The following ZFHX4 variants were observed in gnomAD, a reference collection of about 807,000 sequenced individuals.
The protein encoded by ZFHX4 is zinc finger homeobox protein 4.
A neutral mutation model predicts 267.6 loss-of-function variants in ZFHX4; 56 were observed. That is an observed-to-expected ratio of 0.21 (90% confidence interval 0.17 to 0.26). ZFHX4 has a LOEUF of 0.26. Ranked by LOEUF, ZFHX4 falls within the 10% of genes least tolerant of loss-of-function variation. ZFHX4 has a pLI of 1.00. For missense variants in ZFHX4, 4,332 were observed against 4,420.0 expected, an observed-to-expected ratio of 0.98 and a Z score of 0.56; for synonymous variants, 1,778 against 1,665.6, an observed-to-expected ratio of 1.07 and a Z score of -1.64.
chr8:76,704,281 A>G lies in ZFHX4; in HGVS notation c.193A>G (p.Ser65Gly). Reference sequence around the variant, plus strand: ...CAAAAGTGAAGCCTTGCTGGGTTTCAGCGTTGAGAATGCAGCTGCCACTCA... The same window carrying G: ...CAAAAGTGAAGCCTTGCTGGGTTTCGGCGTTGAGAATGCAGCTGCCACTCA... ...ERKSEALLGF[S>G]VENAAATQVT... Residue 65 changes from serine to glycine, a missense_variant, in exon 2 of 11, where the codon AGC becomes GGC. Physicochemically the swap from Ser to Gly is moderately conservative, Grantham distance 56 (BLOSUM62 0). Transcript: ENST00000651372. 2 of 1,614,046 alleles carry G rather than the reference A, an allele frequency of 1.2e-6. No homozygotes were observed. The highest frequency in any genetic ancestry group is 1.7e-6 in the Non-Finnish European group (2 of 1,179,902).
At chr8:76,795,915 G>A (rs1810969758) in intron 4 of ZFHX4, among the ~76,000 whole-genome samples, 1 of 152,102 alleles carries the variant, frequency 6.6e-6, no homozygotes, top group Non-Finnish European at 1.5e-5. Context: ...GCTATTCTAA[G>A]TACCATTGTA....
At chr8:76,793,146 T>C (rs1810883802) in intron 4 of ZFHX4, among the ~76,000 whole-genome samples, 1 of 152,132 alleles carries the variant, frequency 6.6e-6, no homozygotes, top group Non-Finnish European at 1.5e-5. Context: ...CTGCCTCATG[T>C]GAAGCATGGA....
intron 4 of ZFHX4, among the ~76,000 whole-genome samples, chr8:76,828,458 C>G (rs1049006236): frequency 1.3e-5 from 2 of 152,182 alleles, no homozygotes; most frequent in African/African-American, 4.8e-5. Context: ...GATATCTCAT[C>G]TCTTCCATAA....
intron 1 of ZFHX4, among the ~76,000 whole-genome samples, chr8:76,700,713 A>G (rs1297521998): frequency 6.6e-6 from 1 of 152,190 alleles, no homozygotes; most frequent in Non-Finnish European, 1.5e-5. Flanking sequence ...GAGAATACCA[A>G]AAAATGTGTA....
intron 3 of ZFHX4, among the ~76,000 whole-genome samples, chr8:76,759,765 G>T (rs1229844792): frequency 6.6e-6 from 1 of 152,028 alleles, no homozygotes; most frequent in East Asian, 1.9e-4. Context: ...AAAATAACTT[G>T]TTTAATATTT....
chr8:76,696,357 G>A (rs1479784889), intron 1 of ZFHX4, among the ~76,000 whole-genome samples: 1 of 151,966 alleles, frequency 6.6e-6, no homozygotes, highest in Non-Finnish European at 1.5e-5. Context: ...TATTTTTCCT[G>A]AGATACTTTT....
At chr8:76,725,008 T>A (rs1009208342) in intron 3 of ZFHX4, among the ~76,000 whole-genome samples, 2 of 152,090 alleles carry the variant, frequency 1.3e-5, no homozygotes, top group African/African-American at 2.4e-5. Context: ...TACAGGTATA[T>A]GGGGGGATGT....
intron 5 of ZFHX4, among the ~76,000 whole-genome samples, chr8:76,835,800 T>C (rs1005584888): frequency 6.6e-6 from 1 of 152,126 alleles, no homozygotes; most frequent in African/African-American, 2.4e-5. Context: ...TTACTTCCTG[T>C]CAATATATTT....
intron 3 of ZFHX4, among the ~76,000 whole-genome samples, chr8:76,766,671 A>G (rs1192447989): frequency 2.6e-5 from 4 of 151,952 alleles, no homozygotes; most frequent in Non-Finnish European, 5.9e-5. Flanking sequence ...AATTTAATTT[A>G]TTTTTCCTTT....
At chr8:76,687,027 A>G (rs1479403263) in intron 1 of ZFHX4, among the ~76,000 whole-genome samples, 1 of 152,236 alleles carries the variant, frequency 6.6e-6, no homozygotes, top group Non-Finnish European at 1.5e-5. Flanking sequence ...GTGAATATGT[A>G]CAAGTTTCAT....
rs371636479 is a variant in ZFHX4, at chr8:76,863,548, C to G, written c.9834C>G (p.Leu3278=). The G allele has an allele frequency of 1.2e-6, 2 of 1,613,662 alleles. No individual in the cohort carries two copies. The highest frequency in any genetic ancestry group is 2.7e-5 in the African/African-American group (2 of 74,904). ...TTGCTTCTTATTTTACACCTCAGCT[C>G]CCTGGAACAGTGCAGGGGGGATACT... ...PGFASYFTPQ[L]PGTVQGGYFP... is the part of the protein sequence containing the mutation. Residue 3278 remains leucine (L), a synonymous_variant, in exon 11 of 11, where the codon CTC becomes CTG. Coordinates refer to ENST00000651372, the MANE Select transcript of ZFHX4 (RefSeq NM_024721.5).
rs764202726 is a variant in ZFHX4 at position 76,706,406 on chromosome 8, A to G, written c.2318A>G (p.Asp773Gly). The G allele has an allele frequency of 7.4e-6, 12 of 1,614,088 alleles. No homozygotes were observed. Among genetic ancestry groups the G allele is most frequent in the Non-Finnish European group, 3.4e-6 (4 of 1,180,018 alleles). The change falls in exon 2 of 11, where the codon GAT (aspartate) becomes GGT (glycine). Residue 773 changes from aspartate (D) to glycine (G), a missense_variant. Transcript: ENST00000651372. ...CCCACCTGGCGGTGTGAAGTTTGTGATTATGAAACCAATGTCGCCAGGAAC... is the reference window on the plus strand; with the variant it reads ...CCCACCTGGCGGTGTGAAGTTTGTGGTTATGAAACCAATGTCGCCAGGAAC... ...QKPTWRCEVC[D>G]YETNVARNLR...
At chr8:76,810,385 C>T (rs1342966609) in intron 4 of ZFHX4, among the ~76,000 whole-genome samples, 2 of 152,162 alleles carry the variant, frequency 1.3e-5, no homozygotes, top group East Asian at 1.9e-4. Flanking sequence ...AATAGAGCTA[C>T]AGCTGGTTAC....
rs769080084 is a variant in ZFHX4, at chr8:76,704,400, C to G, written c.312C>G (p.Arg104=). 3 of 1,614,002 alleles carry G rather than the reference C, an allele frequency of 1.9e-6. No individual in the cohort carries two copies. Among genetic ancestry groups the G allele is most frequent in the East Asian group, 2.2e-5 (1 of 44,882 alleles). Residue 104 remains arginine (R), a synonymous_variant, in exon 2 of 11, where the codon CGC becomes CGG. Coordinates refer to ENST00000651372, the MANE Select transcript of ZFHX4 (RefSeq NM_024721.5). ...KYMEHHCPNA[R]LPVLKDDNES... ...TGGAACACCACTGCCCTAATGCCCG[C>G]CTTCCTGTCCTGAAGGATGACAACG...
At chr8:76,729,177 G>C (rs58729837) in intron 3 of ZFHX4, among the ~76,000 whole-genome samples, 7,534 of 152,128 alleles carry the variant, frequency 0.05, 391 homozygotes, top group East Asian at 0.24. Flanking sequence ...AGCAGTTTCT[G>C]TTCATTTCCA....
intron 3 of ZFHX4, among the ~76,000 whole-genome samples, chr8:76,755,207 T>G (rs560298595): frequency 3.3e-5 from 5 of 152,322 alleles, no homozygotes; most frequent in African/African-American, 1.2e-4. Flanking sequence ...TATTGATGTA[T>G]TAGAATCTTT....
chr8:76,859,451 GA>G (rs983826147), intron 10 of ZFHX4, among the ~76,000 whole-genome samples: 71 of 152,130 alleles, frequency 4.7e-4, no homozygotes, highest in African/African-American at 1.7e-3. Context: ...TATATACCTG[GA>G]AAAATTAGAA....
intron 4 of ZFHX4, among the ~76,000 whole-genome samples, chr8:76,814,579 A>G (rs919389924): frequency 6.6e-6 from 1 of 152,176 alleles, no homozygotes; most frequent in East Asian, 1.9e-4. Flanking sequence ...GTTCCTTAAG[A>G]ATGCTGAAAT....
chr8:76,708,143 A>T (rs1293245065), intron 3 of ZFHX4, 95 bp downstream of exon 3: 2 of 1,518,690 alleles, frequency 1.3e-6, no homozygotes, highest in East Asian at 2.3e-5. Flanking sequence ...AAGGAAAAAA[A>T]AAGAGAAAAA....
Sources: allele counts gnomAD v4.1 joint callset (sites outside exome capture counted in the v4.1 genomes callset), GRCh38; gene constraint gnomAD v4.1.1; transcripts MANE v1.5; gene names NCBI Gene and HGNC (gene_info 2026-07-23, HGNC 2026-07-21).